Variants in MCPH1 observed in about 807,000 individuals in gnomAD.
MCPH1 encodes the protein microcephalin 1.
Under a neutral mutation model 84.5 loss-of-function variants are expected in MCPH1, and 104 were observed. The observed-to-expected ratio is 1.23, with a 90% CI of 1.05 to 1.45. MCPH1 has a LOEUF of 1.45. MCPH1 is among the 40% of genes most tolerant of loss of function. The pLI, the probability that MCPH1 is intolerant of heterozygous loss-of-function variation, is 0.00. For missense variants in MCPH1, 1,498 were observed against 1,005.7 expected (o/e 1.49, Z -6.62); for synonymous variants, 514 against 366.8 (o/e 1.40, Z -4.58).
At chr8:6,449,462 C>T (rs533154746) in intron 8 of MCPH1, among the ~76,000 whole-genome samples, 1 of 152,112 alleles carries the variant, frequency 6.6e-6, no homozygotes, top group Admixed American at 6.5e-5. Flanking sequence ...AGTGAAACCC[C>T]ATTTCTACTA....
chr8:6,622,456 C>G (rs1328627066), intron 13 of MCPH1, among the ~76,000 whole-genome samples: 3 of 152,230 alleles, frequency 2.0e-5, no homozygotes, highest in African/African-American at 7.2e-5. Context: ...TAGAAATTAC[C>G]TGCCCTGTGG....
rs931790052 is a variant in MCPH1 at position 6,572,011 on chromosome 8, A to G, written c.2215-49443A>G. On this transcript the variant is annotated intron_variant, in intron 12 of 13. Transcript: ENST00000344683. ...TTCTCTTAAAAACGCTATTTCAAGCATTTTCTTTGGTACCCCATTAATAAT... is the reference window on the plus strand; with the variant it reads ...TTCTCTTAAAAACGCTATTTCAAGCGTTTTCTTTGGTACCCCATTAATAAT... Among the ~76,000 whole-genome samples, 5 of 152,294 alleles carry G rather than the reference A, an allele frequency of 3.3e-5. No homozygotes were observed. The South Asian group carries it at 1.0e-3, about 32-fold the overall frequency.
chr8:6,605,975 G>A (rs1302526050), intron 12 of MCPH1, among the ~76,000 whole-genome samples: 1 of 152,188 alleles, frequency 6.6e-6, no homozygotes, highest in Admixed American at 6.5e-5. Flanking sequence ...GGGATTACAG[G>A]CATGAGCCAC....
At chr8:6,473,959 T>C (rs1180402042) in intron 9 of MCPH1, 5 of 1,285,848 alleles carry the variant, frequency 3.9e-6, no homozygotes, top group Non-Finnish European at 5.6e-6. Context: ...CCTTGTAGGA[T>C]GCCGTGGCTT....
At chr8:6,491,376 C>CTTTTTTTTTTTTTTTTTTTTCT (rs34589854) in intron 11 of MCPH1, among the ~76,000 whole-genome samples, 1 of 128,156 alleles carries the variant, frequency 7.8e-6, no homozygotes, top group Non-Finnish European at 1.7e-5. Flanking sequence ...TGGTTTCTTT[C>CTTTTTTTTTTTTTTTTTTTTCT]TTTTTTTTTT....
At chr8:6,406,714 C>T (rs892129514) in intron 1 of MCPH1, 25 bp downstream of exon 1, 1 of 1,611,546 alleles carries the variant, frequency 6.2e-7, no homozygotes, top group Non-Finnish European at 8.5e-7. Flanking sequence ...GCTGCCTGCT[C>T]CAGCAGCGGG....
At chr8:6,408,931 G>A (rs1253376886) in intron 1 of MCPH1, among the ~76,000 whole-genome samples, 2 of 151,754 alleles carry the variant, frequency 1.3e-5, no homozygotes, top group African/African-American at 4.9e-5. Context: ...TGTCACCCAG[G>A]CTGGAGTGCA....
intron 12 of MCPH1, among the ~76,000 whole-genome samples, chr8:6,588,045 G>A (rs897377186): frequency 3.3e-5 from 5 of 152,218 alleles, no homozygotes; most frequent in African/African-American, 1.2e-4. Flanking sequence ...AGGTAGAAGT[G>A]AAAGGGTTTC....
Position 6,643,018 on chromosome 8 carries a change from G to T in MCPH1, c.2477G>T (p.Cys826Phe), listed in dbSNP as rs1554492950. ...GATTCCATCACCCAGCACAAGGTCT[G>T]TGCCCCTGAAAACTACCTATTGTCA... ...VLDSITQHKV[C>F]APENYLLSQ The change falls in exon 14 of 14, where the codon TGT becomes TTT. Residue 826 changes from cysteine to phenylalanine, a missense_variant. Physicochemically the swap from Cys to Phe is radical, Grantham distance 205. Coordinates refer to ENST00000344683, the MANE Select transcript of MCPH1 (RefSeq NM_024596.5). 6.2e-7 allele frequency: 1 copy of T among 1,614,118 alleles called. No individual in the cohort carries two copies. Among genetic ancestry groups the T allele is most frequent in the Non-Finnish European group, 8.5e-7 (1 of 1,180,000 alleles).
At chr8:6,544,240 A>G (rs932834189) in intron 12 of MCPH1, among the ~76,000 whole-genome samples, 2 of 152,218 alleles carry the variant, frequency 1.3e-5, no homozygotes, top group Non-Finnish European at 2.9e-5. Flanking sequence ...TCTGTTTATT[A>G]TGGAAGACCA....
At chr8:6,568,042 G>A (rs1826344580) in intron 12 of MCPH1, among the ~76,000 whole-genome samples, 1 of 152,158 alleles carries the variant, frequency 6.6e-6, no homozygotes, top group African/African-American at 2.4e-5. Flanking sequence ...TGTTCTCTGT[G>A]GAACTGTCTC....
At chr8:6,460,691 T>A (rs1452219182) in intron 9 of MCPH1, among the ~76,000 whole-genome samples, 1 of 152,144 alleles carries the variant, frequency 6.6e-6, no homozygotes, top group Non-Finnish European at 1.5e-5. Flanking sequence ...ATATGCCTGG[T>A]TAGTTTGTCT....
chr8:6,417,655 C>G (rs1799508480), intron 3 of MCPH1, among the ~76,000 whole-genome samples: 2 of 151,834 alleles, frequency 1.3e-5, no homozygotes, highest in East Asian at 1.9e-4. Flanking sequence ...TGTATACATT[C>G]TTTTTATTTC....
chr8:6,563,976 C>CTT (rs11358428), intron 12 of MCPH1, among the ~76,000 whole-genome samples: 145 of 85,360 alleles, frequency 1.7e-3, no homozygotes, highest in African/African-American at 5.3e-3. Flanking sequence ...GGAATACAAA[C>CTT]TTTTTTTTTT....
chr8:6,472,073 A>G (rs1008621945), intron 9 of MCPH1, among the ~76,000 whole-genome samples: 19 of 152,234 alleles, frequency 1.2e-4, no homozygotes, highest in South Asian at 4.1e-4. Flanking sequence ...TAGAAACACC[A>G]TAATTAACCT....
chr8:6,567,673 A>G (rs1343260332), intron 12 of MCPH1, among the ~76,000 whole-genome samples: 1 of 152,152 alleles, frequency 6.6e-6, no homozygotes, highest in Non-Finnish European at 1.5e-5. Context: ...CCTTGAAGGC[A>G]TTAGGTGCAA....
At chr8:6,605,785 C>T (rs990590425) in intron 12 of MCPH1, among the ~76,000 whole-genome samples, 1 of 152,216 alleles carries the variant, frequency 6.6e-6, no homozygotes, top group African/African-American at 2.4e-5. Flanking sequence ...GCAACCTCCA[C>T]CTCCCAGGTT....
At chr8:6,607,655 T>C (rs1307051057) in intron 12 of MCPH1, among the ~76,000 whole-genome samples, 1 of 152,148 alleles carries the variant, frequency 6.6e-6, no homozygotes, top group Non-Finnish European at 1.5e-5. Context: ...TGGGGGCAGT[T>C]TCCCCCCATA....
intron 12 of MCPH1, among the ~76,000 whole-genome samples, chr8:6,549,989 G>C (rs916080188): frequency 6.6e-6 from 1 of 152,244 alleles, no homozygotes; most frequent in African/African-American, 2.4e-5. Context: ...GGTTGGGGTT[G>C]GCTTTGCCCA....
Sources: gnomAD v4.1 joint callset for allele counts (sites outside exome capture counted in the v4.1 genomes callset) on GRCh38, gnomAD v4.1.1 for gene constraint, MANE v1.5 for transcripts, NCBI Gene and HGNC (gene_info 2026-07-23, HGNC 2026-07-21) for gene names.